ABCC5: variants seen among roughly 807,000 people sequenced by gnomAD.
ABCC5 encodes ATP-binding cassette sub-family C member 5.
A neutral mutation model predicts 160.9 loss-of-function variants in ABCC5; 61 were observed. That is an observed-to-expected ratio of 0.38 (90% CI 0.31 to 0.47). The LOEUF (loss-of-function observed/expected upper bound fraction) is 0.47. Ranked by LOEUF, ABCC5 falls within the 20% of genes least tolerant of loss-of-function variation. The pLI, the probability that ABCC5 is intolerant of heterozygous loss-of-function variation, is 0.99. For synonymous variants in ABCC5, 666 were observed against 700.6 expected (o/e 0.95, Z 0.78); for missense variants, 1,308 against 1,813.3 (o/e 0.72, Z 5.06).
rs564365582 is a variant in ABCC5, at chr3:184,014,120, G to A, written c.129+144C>T. The A allele has an allele frequency of 9.8e-5, 56 of 570,662 alleles. 1 individual carries two copies. Among genetic ancestry groups the A allele is most frequent in the Non-Finnish European group, 1.4e-4 (46 of 336,946 alleles). 35.3% of individuals were successfully genotyped at this position (570,662 alleles called of 1,614,324 possible). On this transcript the variant is annotated intron_variant, in intron 2 of 29. Transcript: ENST00000334444. ...ACTCCTGACCTCAGATGATCCACCCGCCTCAGCCTCCCAAAGTGCTGGGTT... is the reference window on the plus strand; with the variant it reads ...ACTCCTGACCTCAGATGATCCACCCACCTCAGCCTCCCAAAGTGCTGGGTT...
chr3:184,002,295 A>G (rs932496127), intron 2 of ABCC5, among the ~76,000 whole-genome samples: 15 of 151,682 alleles, frequency 9.9e-5, no homozygotes, highest in African/African-American at 3.6e-4. Context: ...GCTACTCAGG[A>G]GGCTGAGGCA....
rs1308231336 is a variant in ABCC5 at position 184,010,957 on chromosome 3, G to A, written c.129+3307C>T. 2.0e-5 allele frequency among the ~76,000 whole-genome samples: 3 copies of A among 151,846 alleles called. No homozygotes were observed. The East Asian group carries it at 5.8e-4, about 29-fold the overall frequency. ...GGGTTTCACTGTGTTGCCCAGGCTG[G>A]TCTCAAACTCCTGAGCTCAGGCAAT... On this transcript the variant is annotated intron_variant, in intron 2 of 29. Transcript: ENST00000334444.
chr3:183,959,784 C>G lies in ABCC5; in HGVS notation c.2431G>C (p.Gly811Arg). ...TTCTTTACTGATCCTGTTTTAGGAC[C>G]CTTGTCTTGTGACTTCTTCTGTGAA... ...SGSQKKSQDKGPKTGSVKKEK... is the reference protein window; with the variant it reads ...SGSQKKSQDKRPKTGSVKKEK... Residue 811 changes from glycine to arginine, a missense_variant, in exon 17 of 30, where the codon GGT becomes CGT. Around this residue, in one of 3 missense-constraint regions of ABCC5, gnomAD observed 1,142 missense variants for 1,527.1 expected, o/e 0.75. Transcript: ENST00000334444. The G allele has an allele frequency of 1.2e-6, 2 of 1,612,868 alleles. No individual in the cohort carries two copies. Among genetic ancestry groups the G allele is most frequent in the Non-Finnish European group, 1.7e-6 (2 of 1,179,460 alleles).
intron 25 of ABCC5, chr3:183,942,521 T>A (rs1180564468): frequency 1.4e-6 from 1 of 705,644 alleles, no homozygotes; most frequent in East Asian, 2.8e-5. Context: ...GTGTTCTGCA[T>A]TGAGAATGTG....
intron 16 of ABCC5, among the ~76,000 whole-genome samples, chr3:183,960,984 T>G (rs1452196132): frequency 6.8e-6 from 1 of 147,110 alleles, no homozygotes; most frequent in Non-Finnish European, 1.5e-5. Flanking sequence ...ACGGGGTTTC[T>G]CTCTATGTTG....
intron 26 of ABCC5, among the ~76,000 whole-genome samples, chr3:183,936,451 T>A (rs1713727690): frequency 6.6e-6 from 1 of 152,080 alleles, no homozygotes; most frequent in Non-Finnish European, 1.5e-5. Flanking sequence ...CTGCCTATGA[T>A]TATTTGAAAT....
At chr3:183,981,035 A>C (rs1248256088) in intron 8 of ABCC5, among the ~76,000 whole-genome samples, 1 of 152,116 alleles carries the variant, frequency 6.6e-6, no homozygotes, top group Non-Finnish European at 1.5e-5. Flanking sequence ...TTTCTACTCC[A>C]ACTATAATGC....
At chr3:183,945,462 G>A (rs929498138) in intron 24 of ABCC5, among the ~76,000 whole-genome samples, 1 of 152,164 alleles carries the variant, frequency 6.6e-6, no homozygotes, top group Non-Finnish European at 1.5e-5. Context: ...ATGAGGCCAC[G>A]TTTGTCCTGC....
intron 24 of ABCC5, among the ~76,000 whole-genome samples, chr3:183,944,640 G>A (rs1714675931): frequency 6.6e-6 from 1 of 152,134 alleles, no homozygotes; most frequent in Admixed American, 6.5e-5. Flanking sequence ...TGTCCAATCT[G>A]TGGCCCTTGA....
intron 17 of ABCC5, among the ~76,000 whole-genome samples, chr3:183,957,169 TGG>T (rs1716131072): frequency 2.6e-5 from 1 of 38,600 alleles, no homozygotes; most frequent in Non-Finnish European, 5.4e-5. Context: ...CGGTTACATG[TGG>T]GTCCGTGTGT....
intron 29 of ABCC5, among the ~76,000 whole-genome samples, 176 bp downstream of exon 29, chr3:183,925,379 G>C (rs1366765767): frequency 1.3e-5 from 2 of 152,206 alleles, no homozygotes; most frequent in Non-Finnish European, 2.9e-5. Flanking sequence ...CATCAGAGGT[G>C]CCTGAGTAAT....
chr3:183,972,201 G>A (rs3805111), intron 10 of ABCC5, among the ~76,000 whole-genome samples: 9,602 of 152,152 alleles, frequency 0.063, 320 homozygotes, highest in Middle Eastern at 0.092. Context: ...AGCCTAAAGC[G>A]GACCTAATGA....
Position 183,953,086 on chromosome 3 carries a change from C to A in ABCC5, c.2667G>T (p.Gly889=), listed in dbSNP as rs758097414. The A allele has an allele frequency of 6.2e-7, 1 of 1,613,032 alleles. No individual in the cohort carries two copies. ...WLSYWIKQGS[G]NTTVTRGNET... ...CTTTCCCATTTATGAGTAACCTTAC[C>A]CCGCTTCCTTGCTTGATCCAGTAAC... Residue 889 remains glycine, a splice_region_variant and synonymous_variant, in exon 18 of 30, where the codon GGG becomes GGT. Transcript: ENST00000334444.
chr3:184,015,648 G>A (rs1376401585), intron 1 of ABCC5, among the ~76,000 whole-genome samples: 1 of 151,572 alleles, frequency 6.6e-6, no homozygotes, highest in African/African-American at 2.4e-5. Context: ...TCAGAATTCT[G>A]GTTCAAGTAC....
chr3:183,979,746 A>G (rs1199710460), intron 8 of ABCC5, among the ~76,000 whole-genome samples: 1 of 151,748 alleles, frequency 6.6e-6, no homozygotes, highest in Non-Finnish European at 1.5e-5. Context: ...ATGCCCAGTT[A>G]TGTTTTATTT....
Position 183,982,996 on chromosome 3 carries a change from C to T in ABCC5, c.603G>A (p.Val201=). ...LAGFSGPAFM[V]KHLLEYTQAT... ...CCTGGGTATACTCCAAGAGGTGTTT[C>T]ACCATGAAGGCCTACAGGGAGAGAC... Residue 201 remains valine, a synonymous_variant, in exon 6 of 30, where the codon GTG becomes GTA. Transcript: ENST00000334444. This position sits in a 1 kb window ranked among gnomAD's most constrained non-coding sequence, Gnocchi z 5.2. 1 of 1,614,068 alleles carries T rather than the reference C, an allele frequency of 6.2e-7. No individual in the cohort carries two copies. Among genetic ancestry groups the T allele is most frequent in the Non-Finnish European group, 8.5e-7 (1 of 1,179,960 alleles).
chr3:183,977,717 G>T lies in ABCC5; in HGVS notation c.1297-93C>A, dbSNP rs940020557. ...GAATTTCCTCTCAGGCGCTAGGAAG[G>T]CTGCAACTTCACGGTCAGCTGTTAT... On this transcript the variant is annotated intron_variant, in intron 9 of 29. Transcript: ENST00000334444. The T allele has an allele frequency of 1.1e-4, 94 of 828,586 alleles. 1 individual carries two copies. The highest frequency in any genetic ancestry group is 1.2e-4 in the Admixed American group (5 of 40,210). The allele number at this position is 828,586 out of a possible 1,614,324, so 51.3% of individuals were successfully genotyped here.
intron 17 of ABCC5, among the ~76,000 whole-genome samples, chr3:183,957,809 C>CGG: frequency 7.7e-6 from 1 of 130,690 alleles, no homozygotes; most frequent in East Asian, 2.7e-4. Flanking sequence ...CGGTTACACG[C>CGG]AGATCCGTGT....
chr3:183,995,531 T>C (rs1272818679), intron 2 of ABCC5, among the ~76,000 whole-genome samples: 1 of 152,216 alleles, frequency 6.6e-6, no homozygotes, highest in East Asian at 1.9e-4. Flanking sequence ...CAGTACCATG[T>C]GTTGAAAAGA....
Sources: gnomAD v4.1 joint callset for allele counts (sites outside exome capture counted in the v4.1 genomes callset) on GRCh38, gnomAD v4.1.1 for gene constraint, gnomAD v4.1.1 regional missense constraint, Gnocchi (gnomAD v3.1) non-coding constraint, MANE v1.5 for transcripts, NCBI Gene and HGNC (gene_info 2026-07-23, HGNC 2026-07-21) for gene names.